The following ANK2 variants were observed in gnomAD, a reference collection of about 807,000 sequenced individuals.
The protein encoded by ANK2 is ankyrin-2.
In ANK2, 83 loss-of-function variants were observed where a neutral mutation model predicts 360.5. That is an observed-to-expected ratio of 0.23 (90% CI 0.19 to 0.28). The LOEUF (loss-of-function observed/expected upper bound fraction) is 0.28. Ranked by LOEUF, ANK2 falls within the 10% of genes least tolerant of loss-of-function variation. ANK2 has a pLI of 1.00. For synonymous variants in ANK2, 1,740 were observed against 1,759.5 expected (o/e 0.99, Z 0.28); for missense variants, 4,201 against 4,795.7 (o/e 0.88, Z 3.66).
intron 1 of ANK2, among the ~76,000 whole-genome samples, chr4:113,171,043 A>C (rs1010305217): frequency 7.9e-5 from 12 of 152,168 alleles, no homozygotes; most frequent in Non-Finnish European, 1.5e-4. Context: ...TCTTCCAAAG[A>C]AGTTGCTTTT....
upstream of ANK2, among the ~76,000 whole-genome samples, chr4:113,046,007 C>T (rs948443087): frequency 6.6e-6 from 1 of 152,132 alleles, no homozygotes; most frequent in Non-Finnish European, 1.5e-5. Context: ...AGATATTAAT[C>T]CTGCCCTCAA....
chr4:113,339,210 A>C lies in ANK2; in HGVS notation c.3797-16A>C, dbSNP rs1451685320. 1.2e-6 allele frequency: 2 copies of C among 1,601,590 alleles called. No homozygotes were observed. The highest frequency in any genetic ancestry group is 4.5e-5 in the East Asian group (2 of 44,778). On this transcript the variant is annotated splice_polypyrimidine_tract_variant and intron_variant, in intron 31 of 45. Coordinates refer to ENST00000357077, the MANE Select transcript of ANK2 (RefSeq NM_001148.6). ...GGAGTTTTGCCTGATTTTTTTCAAC[A>C]ATCATATTATTTCAGGTGGAACCAC...
chr4:113,063,017 G>A (rs1311333919), intron 1 of ANK2, among the ~76,000 whole-genome samples: 1 of 152,070 alleles, frequency 6.6e-6, no homozygotes, highest in Non-Finnish European at 1.5e-5. Context: ...ATAAGTGCCT[G>A]TGTTATAGCT....
the ANK2 span, among the ~76,000 whole-genome samples, chr4:112,719,451 G>A: frequency 6.6e-6 from 1 of 152,042 alleles, no homozygotes; most frequent in African/African-American, 2.4e-5. Context: ...TAATTCGGCC[G>A]GGCACGGTGG....
rs1045199509 is a variant in ANK2, at chr4:112,915,402, TATAAA to T, written c.21+10891_21+10895del. 1.1e-3 allele frequency among the ~76,000 whole-genome samples: 163 copies of T among 151,988 alleles called. 2 individuals carry two copies. The highest frequency in any genetic ancestry group is 1.6e-3 in the Non-Finnish European group (106 of 67,992). ...TTAAAGGATAAGTTCCAAAGAAAAA[TATAAA>T]ATGGGGTCTATTTTAAATTTTAAAG... On this transcript the variant is annotated intron_variant, in intron 2 of 30. Coordinates refer to the ANK2 transcript ENST00000503271.
chr4:112,811,084 T>C, the ANK2 span, among the ~76,000 whole-genome samples: 1 of 151,950 alleles, frequency 6.6e-6, no homozygotes, highest in Non-Finnish European at 1.5e-5. Flanking sequence ...TACAGGGGCC[T>C]GCCACCATGC....
At chr4:113,361,277 A>G in intron 39 of ANK2, among the ~76,000 whole-genome samples, 1 of 152,130 alleles carries the variant, frequency 6.6e-6, no homozygotes. Flanking sequence ...TAGATACCTT[A>G]TGTCAAAAAT....
At chr4:112,806,895 T>A in the ANK2 span, among the ~76,000 whole-genome samples, 1 of 152,184 alleles carries the variant, frequency 6.6e-6, no homozygotes, top group Non-Finnish European at 1.5e-5. Flanking sequence ...TACTCAGCAG[T>A]GAGGTTGCTG....
intron 2 of ANK2, among the ~76,000 whole-genome samples, chr4:113,038,126 C>T (rs1199788865): frequency 2.0e-5 from 3 of 151,268 alleles, no homozygotes; most frequent in Admixed American, 1.3e-4. Flanking sequence ...AAGGCTGTTA[C>T]GAGGTCATAT....
At chr4:112,742,123 T>TA in the ANK2 span, among the ~76,000 whole-genome samples, 10 of 151,046 alleles carry the variant, frequency 6.6e-5, no homozygotes, top group South Asian at 2.1e-4. Flanking sequence ...AGCCAAATTT[T>TA]AAAAAAAAAT....
intron 2 of ANK2, among the ~76,000 whole-genome samples, chr4:112,907,567 A>T (rs1366084530): frequency 1.3e-5 from 2 of 152,132 alleles, no homozygotes; most frequent in Non-Finnish European, 1.5e-5. Flanking sequence ...TCCATTGAAC[A>T]TTGTTTGAAA....
chr4:113,254,410 T>A (rs1321664496), intron 10 of ANK2, among the ~76,000 whole-genome samples: 1 of 152,172 alleles, frequency 6.6e-6, no homozygotes, highest in African/African-American at 2.4e-5. Context: ...AATATTTTAT[T>A]TTCCACGTAA....
In ANK2 at chr4:113,198,971, A is replaced by G. The variant is rs368120625; in HGVS notation, c.286-40A>G. 8 of 1,544,700 alleles carry G rather than the reference A, an allele frequency of 5.2e-6. No homozygotes were observed. In the East Asian group the frequency reaches 6.8e-5, roughly 13 times the overall value. The stretch of plus-strand genomic sequence containing the variant: ...GCACATTTTGATTTCTGCAAAATTC[A>G]GAAACCTTGAACATTTTCTATTTTG... On this transcript the variant is annotated intron_variant, in intron 3 of 45. Transcript: ENST00000357077.
chr4:112,749,345 C>T, the ANK2 span, among the ~76,000 whole-genome samples: 4 of 152,090 alleles, frequency 2.6e-5, no homozygotes, highest in African/African-American at 9.7e-5. Context: ...GAGTAACGTG[C>T]ATGTAGGGGT....
the ANK2 span, among the ~76,000 whole-genome samples, chr4:112,786,169 A>G: frequency 1.5e-4 from 22 of 151,724 alleles, no homozygotes; most frequent in African/African-American, 5.3e-4. Flanking sequence ...TAAACTTTTT[A>G]TAATGTTGAC....
intron 17 of ANK2, among the ~76,000 whole-genome samples, chr4:113,281,532 T>C (rs146557223): frequency 6.6e-6 from 1 of 152,196 alleles, no homozygotes; most frequent in Admixed American, 6.5e-5. Flanking sequence ...GAGCCATACC[T>C]TGTCTCAACA....
chr4:112,829,750 T>A (rs1039023739), intron 1 of ANK2, among the ~76,000 whole-genome samples: 8 of 151,884 alleles, frequency 5.3e-5, no homozygotes, highest in Admixed American at 5.3e-4. Flanking sequence ...GGTCAGGAGA[T>A]GGAGACCATC....
chr4:112,722,671 G>C, the ANK2 span, among the ~76,000 whole-genome samples: 1 of 152,220 alleles, frequency 6.6e-6, no homozygotes, highest in Non-Finnish European at 1.5e-5. Context: ...GTTGGAGGAA[G>C]GTGTCAGGTG....
chr4:112,937,616 C>T (rs1438207799), intron 2 of ANK2, among the ~76,000 whole-genome samples: 4 of 152,208 alleles, frequency 2.6e-5, no homozygotes, highest in Non-Finnish European at 5.9e-5. Flanking sequence ...GCGTGAGCCA[C>T]CGCGCCCGGC....
Sources: gnomAD v4.1 joint callset for allele counts (sites outside exome capture counted in the v4.1 genomes callset) on GRCh38, gnomAD v4.1.1 for gene constraint, MANE v1.5 for transcripts, NCBI Gene and HGNC (gene_info 2026-07-23, HGNC 2026-07-21) for gene names.